Variants in KIAA1549L observed in about 807,000 individuals in gnomAD.
KIAA1549L encodes KIAA1549 like, also known as UPF0606 protein KIAA1549L.
Under a neutral mutation model 160.7 loss-of-function variants are expected in KIAA1549L, and 88 were observed. The ratio of observed to expected loss-of-function variants is 0.55; its 90% CI spans 0.46 to 0.65. The LOEUF is 0.65. KIAA1549L is among the 30% of genes least tolerant of loss of function. The probability of loss-of-function intolerance (pLI) is 0.00; values close to 1 mark genes in which losing one functional copy is unlikely to be tolerated. For missense variants in KIAA1549L, 2,258 were observed against 2,437.5 expected (o/e 0.93, Z 1.55); for synonymous variants, 950 against 976.7 (o/e 0.97, Z 0.51).
intron 11 of KIAA1549L, among the ~76,000 whole-genome samples, chr11:33,586,797 C>T (rs1221614704): frequency 1.3e-5 from 2 of 152,268 alleles, no homozygotes; most frequent in East Asian, 1.9e-4. Flanking sequence ...TGCTTAACCT[C>T]TCTAAACCTC....
At chr11:33,569,529 C>G (rs1217445232) in intron 9 of KIAA1549L, among the ~76,000 whole-genome samples, 6 of 152,298 alleles carry the variant, frequency 3.9e-5, no homozygotes, top group Admixed American at 3.9e-4. Flanking sequence ...AGGGAAATTG[C>G]AGCCATTAGC....
At chr11:33,583,095 C>A (rs1196435993) in intron 10 of KIAA1549L, among the ~76,000 whole-genome samples, 1 of 152,126 alleles carries the variant, frequency 6.6e-6, no homozygotes, top group Non-Finnish European at 1.5e-5. Context: ...TACTAGAGAC[C>A]ACACCAAAAA....
At chr11:33,646,326 G>T (rs917103587) in intron 17 of KIAA1549L, among the ~76,000 whole-genome samples, 1 of 152,060 alleles carries the variant, frequency 6.6e-6, no homozygotes, top group Non-Finnish European at 1.5e-5. Context: ...TATTCTTCAC[G>T]CACTGGTGGT....
intron 16 of KIAA1549L, among the ~76,000 whole-genome samples, chr11:33,623,284 T>A (rs749158658): frequency 3.9e-4 from 60 of 152,074 alleles, no homozygotes; most frequent in Non-Finnish European, 7.2e-4. Context: ...ATTTGGAGAT[T>A]TTGTCCTTTA....
rs1172396799 is a variant in KIAA1549L, at chr11:33,560,788, C to T, written c.4018+877C>T. 5.9e-5 allele frequency among the ~76,000 whole-genome samples: 9 copies of T among 152,108 alleles called. No homozygotes were observed. The South Asian group carries it at 1.9e-3, about 32-fold the overall frequency. On this transcript the variant is annotated intron_variant, in intron 7 of 20. Coordinates refer to ENST00000658780, the MANE Select transcript of KIAA1549L (RefSeq NM_012194.3). Reference sequence around the variant, plus strand: ...AGTTGTTTTTGATACTGTAAATAAACAAGATAATACGCGTGAATGTACTTA... The same window carrying T: ...AGTTGTTTTTGATACTGTAAATAAATAAGATAATACGCGTGAATGTACTTA...
chr11:33,462,729 G>A (rs1332940593), intron 1 of KIAA1549L, among the ~76,000 whole-genome samples: 1 of 151,700 alleles, frequency 6.6e-6, no homozygotes, highest in Non-Finnish European at 1.5e-5. Flanking sequence ...TTACATATAA[G>A]TTGGAAATGA....
At chr11:33,443,058 G>A (rs2756290) in intron 1 of KIAA1549L, among the ~76,000 whole-genome samples, 35,856 of 152,004 alleles carry the variant, frequency 0.24, 4,529 homozygotes, top group East Asian at 0.32. Flanking sequence ...TCCATAATTT[G>A]TGTAATCCTG....
intron 1 of KIAA1549L, among the ~76,000 whole-genome samples, chr11:33,455,672 A>C (rs999439767): frequency 6.6e-6 from 1 of 152,232 alleles, no homozygotes; most frequent in South Asian, 2.1e-4. Flanking sequence ...AGGCAGCCAG[A>C]AAAATTATCT....
rs750279318 is a variant in KIAA1549L at position 33,542,555 on chromosome 11, C to T, written c.992C>T (p.Thr331Ile). The T allele has an allele frequency of 6.2e-7, 1 of 1,613,958 alleles. No individual in the cohort carries two copies. The highest frequency in any genetic ancestry group is 8.5e-7 in the Non-Finnish European group (1 of 1,179,848). ...STKWHSELSP[T>I]EGPHSAGSST... ...AAATGGCATTCCGAGCTGTCCCCAA[C>T]AGAGGGTCCCCATTCAGCAGGTTCA... Residue 331 changes from threonine (T) to isoleucine (I), a missense_variant, in exon 2 of 21, where the codon ACA (threonine) becomes ATA (isoleucine). Coordinates refer to ENST00000658780, the MANE Select transcript of KIAA1549L (RefSeq NM_012194.3).
intron 17 of KIAA1549L, among the ~76,000 whole-genome samples, chr11:33,648,973 C>T (rs570618319): frequency 5.3e-5 from 8 of 152,230 alleles, no homozygotes; most frequent in South Asian, 2.1e-4. Flanking sequence ...TCTTCTAATC[C>T]GACAACCACC....
At chr11:33,651,719 T>G (rs867002941) in intron 17 of KIAA1549L, among the ~76,000 whole-genome samples, 6 of 152,172 alleles carry the variant, frequency 3.9e-5, no homozygotes, top group South Asian at 4.2e-4. Flanking sequence ...GAGACCAGCA[T>G]GCACTGGGGC....
chr11:33,566,082 G>T (rs899257110), intron 8 of KIAA1549L, among the ~76,000 whole-genome samples: 1 of 152,124 alleles, frequency 6.6e-6, no homozygotes, highest in African/African-American at 2.4e-5. Flanking sequence ...ACATTTTTAA[G>T]TGTGCAATCC....
chr11:33,479,017 G>T (rs1852353473), intron 1 of KIAA1549L, among the ~76,000 whole-genome samples: 1 of 152,214 alleles, frequency 6.6e-6, no homozygotes, highest in Non-Finnish European at 1.5e-5. Context: ...TTAGTAAATG[G>T]TAGAGCCAGA....
rs554077314 is a variant in KIAA1549L at position 33,526,961 on chromosome 11, A to G, written c.239-14841A>G. 5.4e-4 allele frequency among the ~76,000 whole-genome samples: 82 copies of G among 152,342 alleles called. 1 individual carries two copies. Among genetic ancestry groups the G allele is most frequent in the Non-Finnish European group, 9.4e-4 (64 of 68,026 alleles). On this transcript the variant is annotated intron_variant, in intron 1 of 20. Transcript: ENST00000658780. ...GAGAAATAGATATTATAAAGAAAAG[A>G]CAATCATAACTTTTGGAAATGAAAG...
At chr11:33,599,524 A>T (rs1461722694) in intron 13 of KIAA1549L, 1 of 152,152 alleles carries the variant, frequency 6.6e-6, no homozygotes, top group African/African-American at 2.4e-5. Flanking sequence ...GAAAAGAAAA[A>T]AAAAGTTATA....
intron 1 of KIAA1549L, among the ~76,000 whole-genome samples, chr11:33,532,576 G>A (rs532667594): frequency 6.6e-6 from 1 of 152,172 alleles, no homozygotes; most frequent in South Asian, 2.1e-4. Context: ...CTTGTCCAAG[G>A]TTACTCAGTT....
intron 1 of KIAA1549L, among the ~76,000 whole-genome samples, chr11:33,517,854 C>T (rs528123134): frequency 2.6e-5 from 4 of 151,946 alleles, no homozygotes; most frequent in Non-Finnish European, 5.9e-5. Flanking sequence ...ACTTAAAAGA[C>T]ATTGCAGGCA....
intron 1 of KIAA1549L, among the ~76,000 whole-genome samples, chr11:33,404,291 G>A (rs755076175): frequency 7.9e-5 from 12 of 152,128 alleles, no homozygotes; most frequent in Admixed American, 2.0e-4. Context: ...TTGGGAGGCC[G>A]AGGTGGGTGG....
At chr11:33,637,787 A>ACCTTGGGTCCCTTGGGT (rs1851475168) in intron 16 of KIAA1549L, among the ~76,000 whole-genome samples, 1 of 152,058 alleles carries the variant, frequency 6.6e-6, no homozygotes. Flanking sequence ...AGTCCTTTGG[A>ACCTTGGGTCCCTTGGGT]CCCAAGGGTC....
Sources: allele counts gnomAD v4.1 joint callset (sites outside exome capture counted in the v4.1 genomes callset), GRCh38; gene constraint gnomAD v4.1.1; transcripts MANE v1.5; gene names NCBI Gene and HGNC (gene_info 2026-07-23, HGNC 2026-07-21).